Variants in BRINP1 observed in about 807,000 individuals in gnomAD.
The protein encoded by BRINP1 is BMP/retinoic acid inducible neural specific 1.
A neutral mutation model predicts 72.9 loss-of-function variants in BRINP1; 17 were observed. That is an observed-to-expected ratio of 0.23 (90% confidence interval 0.16 to 0.35). BRINP1 has a LOEUF of 0.35. BRINP1 is among the 10% of genes least tolerant of loss of function. The probability of loss-of-function intolerance (pLI) is 1.00; values close to 1 mark genes in which losing one functional copy is unlikely to be tolerated. For missense variants in BRINP1, 850 were observed against 1,001.6 expected, an observed-to-expected ratio of 0.85 and a Z score of 2.04; for synonymous variants, 418 against 378.5, an observed-to-expected ratio of 1.10 and a Z score of -1.21.
intron 1 of BRINP1, among the ~76,000 whole-genome samples, chr9:119,346,169 A>G (rs1377704334): frequency 1.3e-5 from 2 of 152,154 alleles, no homozygotes; most frequent in African/African-American, 4.8e-5. Flanking sequence ...TTGCCTGGAG[A>G]CTCATTTACA....
chr9:119,320,937 G>GT (rs535523914), intron 1 of BRINP1, among the ~76,000 whole-genome samples: 405 of 146,122 alleles, frequency 2.8e-3, no homozygotes, highest in South Asian at 8.7e-3. Context: ...TCTCCATTTT[G>GT]TTTTTTTTTT....
chr9:119,243,661 T>C (rs1830282300), intron 3 of BRINP1, among the ~76,000 whole-genome samples: 1 of 152,214 alleles, frequency 6.6e-6, no homozygotes, highest in African/African-American at 2.4e-5. Context: ...CTAATTTACG[T>C]TCCCACCAAC....
chr9:119,340,575 C>A (rs1470693671), intron 1 of BRINP1, among the ~76,000 whole-genome samples: 1 of 152,204 alleles, frequency 6.6e-6, no homozygotes, highest in East Asian at 1.9e-4. Context: ...TGGAGACAAT[C>A]CCATTCTATA....
chr9:119,286,868 C>T (rs980304789), intron 2 of BRINP1, among the ~76,000 whole-genome samples: 8 of 152,056 alleles, frequency 5.3e-5, no homozygotes, highest in African/African-American at 1.7e-4. Flanking sequence ...ACTCTGACTT[C>T]GGTTATTCAA....
chr9:119,187,220 C>A (rs1829632606), intron 7 of BRINP1, among the ~76,000 whole-genome samples: 1 of 151,812 alleles, frequency 6.6e-6, no homozygotes, highest in Non-Finnish European at 1.5e-5. Context: ...AGTTCCATTG[C>A]CACTCTAAGC....
At chr9:119,170,167 A>T (rs1829386674) in intron 7 of BRINP1, among the ~76,000 whole-genome samples, 1 of 152,130 alleles carries the variant, frequency 6.6e-6, no homozygotes, top group Non-Finnish European at 1.5e-5. Context: ...AAGGCTTCAG[A>T]CGATCAAATT....
At chr9:119,206,803 G>C (rs1399215343) in intron 7 of BRINP1, among the ~76,000 whole-genome samples, 1 of 152,182 alleles carries the variant, frequency 6.6e-6, no homozygotes, top group Non-Finnish European at 1.5e-5. Flanking sequence ...TGGCAGATGT[G>C]TGATGGATCT....
intron 2 of BRINP1, among the ~76,000 whole-genome samples, chr9:119,286,116 A>T (rs1164900019): frequency 6.6e-6 from 1 of 152,130 alleles, no homozygotes; most frequent in East Asian, 1.9e-4. Context: ...TCACCACGAA[A>T]ATTGTCTCCA....
chr9:119,258,136 C>CTTAAGTACACAAAGGTGT, intron 2 of BRINP1, among the ~76,000 whole-genome samples: 1 of 152,144 alleles, frequency 6.6e-6, no homozygotes. Flanking sequence ...CAAAGGTGTT[C>CTTAAGTACACAAAGGTGT]ACTTAAGTAA....
intron 2 of BRINP1, among the ~76,000 whole-genome samples, chr9:119,311,085 T>C (rs1831061432): frequency 6.6e-6 from 1 of 152,232 alleles, no homozygotes; most frequent in South Asian, 2.1e-4. Flanking sequence ...ATAGCACTTG[T>C]TATACCTTGA....
At chr9:119,361,495 G>T (rs1460993716) in intron 1 of BRINP1, among the ~76,000 whole-genome samples, 4 of 152,228 alleles carry the variant, frequency 2.6e-5, no homozygotes, top group East Asian at 3.9e-4. Context: ...GTGCTGTAAG[G>T]TATGACCTCT....
intron 2 of BRINP1, among the ~76,000 whole-genome samples, chr9:119,310,093 G>A (rs1430471968): frequency 2.6e-5 from 4 of 152,090 alleles, no homozygotes; most frequent in Non-Finnish European, 5.9e-5. Flanking sequence ...ACAGAATCAT[G>A]GAATTTCAGA....
At chr9:119,305,349 G>A (rs1430307829) in intron 2 of BRINP1, among the ~76,000 whole-genome samples, 1 of 152,032 alleles carries the variant, frequency 6.6e-6, no homozygotes, top group African/African-American at 2.4e-5. Flanking sequence ...GTTCTAAATG[G>A]CTATCTAGTA....
chr9:119,305,693 A>G (rs1830988580), intron 2 of BRINP1, among the ~76,000 whole-genome samples: 1 of 151,958 alleles, frequency 6.6e-6, no homozygotes. Context: ...TGCCACCTCA[A>G]TGCAATGTAA....
chr9:119,188,137 G>C (rs986493476), intron 7 of BRINP1, among the ~76,000 whole-genome samples: 5 of 152,280 alleles, frequency 3.3e-5, no homozygotes, highest in African/African-American at 1.2e-4. Flanking sequence ...GAAAGGCATA[G>C]AAGGCTTATT....
intron 5 of BRINP1, among the ~76,000 whole-genome samples, chr9:119,237,987 A>T (rs74602137): frequency 1.3e-5 from 2 of 152,150 alleles, no homozygotes; most frequent in East Asian, 3.9e-4. Flanking sequence ...TAAATTATTA[A>T]GATCATGCCA....
At chr9:119,346,863 G>C (rs1341835976) in intron 1 of BRINP1, among the ~76,000 whole-genome samples, 1 of 152,188 alleles carries the variant, frequency 6.6e-6, no homozygotes, top group Non-Finnish European at 1.5e-5. Context: ...TCACGTTGGG[G>C]TTCTGCCTGT....
At chr9:119,313,001 T>A in intron 2 of BRINP1, 137 bp downstream of exon 2, 9 of 987,680 alleles carry the variant, frequency 9.1e-6, no homozygotes, top group Non-Finnish European at 1.3e-5. Context: ...AAAAAATTAA[T>A]CAAAAACAGC....
At chr9:119,353,254 T>C (rs1012783516) in intron 1 of BRINP1, among the ~76,000 whole-genome samples, 3 of 152,178 alleles carry the variant, frequency 2.0e-5, no homozygotes, top group African/African-American at 7.2e-5. Flanking sequence ...ATTGTGGTGC[T>C]CTTCCTCTTC....
Sources: allele counts gnomAD v4.1 joint callset (sites outside exome capture counted in the v4.1 genomes callset), GRCh38; gene constraint gnomAD v4.1.1; transcripts MANE v1.5; gene names NCBI Gene and HGNC (gene_info 2026-07-23, HGNC 2026-07-21).